Variants in FLOT2 observed in about 807,000 individuals in gnomAD.
The protein encoded by FLOT2 is flotillin 2, also known as flotillin-2.
Under a neutral mutation model 54.9 loss-of-function variants are expected in FLOT2, and 35 were observed. The observed-to-expected ratio is 0.64, with a 90% CI of 0.49 to 0.84. The LOEUF (loss-of-function observed/expected upper bound fraction) is 0.84, where lower values mean the gene tolerates loss of function less well. Among genes scored for constraint, FLOT2 ranks in the 40% least tolerant of loss-of-function variants. FLOT2 has a pLI of 0.00. For missense variants in FLOT2, 464 were observed against 572.1 expected, an observed-to-expected ratio of 0.81 and a Z score of 1.93; for synonymous variants, 207 against 228.9, an observed-to-expected ratio of 0.90 and a Z score of 0.86.
Position 28,880,790 on chromosome 17 carries a change from C to G in FLOT2, c.1171G>C (p.Val391Leu). Residue 391 changes from valine to leucine, a missense_variant, in exon 10 of 11, where the codon GTC becomes CTC. By Grantham distance (32) the Val-to-Leu change is conservative. Coordinates refer to ENST00000394908, the MANE Select transcript of FLOT2 (RefSeq NM_004475.3). ...AGCAGTCGGTTCACTTCTGATGTGA[C>G]CTTACTGTTGTCTCCACTGAGGACC... is the stretch of plus-strand genomic sequence containing the variant. ...IVVLSGDNSK[V>L]TSEVNRLLAE... 1.9e-6 allele frequency: 3 copies of G among 1,614,202 alleles called. No homozygotes were observed. Among genetic ancestry groups the G allele is most frequent in the Non-Finnish European group, 2.5e-6 (3 of 1,180,034 alleles).
In FLOT2 at chr17:28,882,448, G is replaced by T; in HGVS notation, c.468C>A (p.Asp156Glu). The change falls in exon 6 of 11, where the codon GAC becomes GAA. Residue 156 changes from aspartate (D) to glutamate (E), a missense_variant and splice_region_variant. Physicochemically the swap from Asp to Glu is conservative, Grantham distance 45. Transcript: ENST00000394908. The surrounding 1 kb of genome is among the most constrained non-coding windows in gnomAD (Gnocchi z 5.6). The part of the protein sequence containing the change: ...GIEILSFTIK[D>E]VYDKVDYLSS... ...TCAGATAGTCCACTTTGTCATACACGTCCTGGGGAGGGAAGGGGGTATCAG... is the reference window on the plus strand; with the variant it reads ...TCAGATAGTCCACTTTGTCATACACTTCCTGGGGAGGGAAGGGGGTATCAG... 6.2e-7 allele frequency: 1 copy of T among 1,613,398 alleles called. No individual in the cohort carries two copies. The highest frequency in any genetic ancestry group is 8.5e-7 in the Non-Finnish European group (1 of 1,179,458).
In FLOT2 at chr17:28,897,458, G is replaced by T; in HGVS notation, c.49+68C>A. Reference sequence around the variant, plus strand: ...GGACTCAGGCCCAGCTCTTCCCCGTGCACTCCCCAGCCCTGCACCCACCCC... The same window carrying T: ...GGACTCAGGCCCAGCTCTTCCCCGTTCACTCCCCAGCCCTGCACCCACCCC... On this transcript the variant is annotated intron_variant, in intron 1 of 10. Transcript: ENST00000394908. This position sits in a 1 kb window ranked among gnomAD's most constrained non-coding sequence, Gnocchi z 4.4. 1 of 1,442,548 alleles carries T rather than the reference G, an allele frequency of 6.9e-7. No individual in the cohort carries two copies. The highest frequency in any genetic ancestry group is 9.4e-7 in the Non-Finnish European group (1 of 1,060,876). 89.4% of individuals were successfully genotyped at this position (1,442,548 alleles called of 1,614,324 possible).
intron 2 of FLOT2, among the ~76,000 whole-genome samples, chr17:28,887,498 C>G (rs1458652820): frequency 6.6e-6 from 1 of 152,196 alleles, no homozygotes; most frequent in Non-Finnish European, 1.5e-5. Flanking sequence ...ATACAAGGCC[C>G]TTCACCTTTA....
At position 28,884,320 on chromosome 17, in the gene FLOT2, C is replaced by CT; in HGVS notation, c.132-6_132-5insA. On this transcript the variant is annotated splice_polypyrimidine_tract_variant and splice_region_variant and intron_variant, in intron 2 of 10. Transcript: ENST00000394908. This position sits in a 1 kb window ranked among gnomAD's most constrained non-coding sequence, Gnocchi z 5.1. ...GTCATAATCTCTAGGGAAATCCTGC[C>CT]AAGAAACGCAAAACAGGGGCATGGG... The CT allele has an allele frequency of 6.3e-7, 1 of 1,599,188 alleles. No homozygotes were observed. Among genetic ancestry groups the CT allele is most frequent in the South Asian group, 1.1e-5 (1 of 89,856 alleles).
Position 28,883,100 on chromosome 17 carries a change from G to C in FLOT2, c.346+8C>G. The stretch of plus-strand genomic sequence containing the variant: ...GTGAGGCTCCTCAAAGGCTGAACAG[G>C]GCCTCACCGAGGATGGAGCGCAGAT... On this transcript the variant is annotated splice_region_variant and intron_variant, in intron 4 of 10. Coordinates refer to ENST00000394908, the MANE Select transcript of FLOT2 (RefSeq NM_004475.3). The surrounding 1 kb of genome is among the most constrained non-coding windows in gnomAD (Gnocchi z 5.0). 6.2e-7 allele frequency: 1 copy of C among 1,613,914 alleles called. No individual in the cohort carries two copies. The highest frequency in any genetic ancestry group is 8.5e-7 in the Non-Finnish European group (1 of 1,179,928).
chr17:28,888,901 C>T (rs757242150), intron 2 of FLOT2, 44 bp downstream of exon 2: 2 of 1,519,078 alleles, frequency 1.3e-6, no homozygotes, highest in Admixed American at 1.7e-5. Context: ...CCCCTCTCTC[C>T]CTGGCCCACT....
intron 8 of FLOT2, 113 bp downstream of exon 8, chr17:28,881,701 C>T: frequency 1.1e-6 from 1 of 937,034 alleles, no homozygotes; most frequent in South Asian, 1.5e-5. Context: ...AGTAAGAAGA[C>T]ACAGTGGAGG....
chr17:28,885,237 C>G (rs1229426599), intron 2 of FLOT2, among the ~76,000 whole-genome samples: 1 of 152,164 alleles, frequency 6.6e-6, no homozygotes, highest in Non-Finnish European at 1.5e-5. Flanking sequence ...TGGGGATGGT[C>G]CCCTTCCCCA....
In FLOT2 at chr17:28,880,303, A is replaced by G. The variant is rs1206795267; in HGVS notation, c.*258T>C. ...GCATGGGGGAAAGAAAAAGACAGAC[A>G]AAGGAAAAGACACGCAGGGAGATGA... On this transcript the variant is annotated 3_prime_UTR_variant, in exon 11 of 11. Coordinates refer to ENST00000394908, the MANE Select transcript of FLOT2 (RefSeq NM_004475.3). 7.3e-7 allele frequency: 1 copy of G among 1,366,804 alleles called. No individual in the cohort carries two copies. Among genetic ancestry groups the G allele is most frequent in the African/African-American group, 1.5e-5 (1 of 68,492 alleles). 84.7% of individuals were successfully genotyped at this position (1,366,804 alleles called of 1,614,324 possible). A position where few individuals can be genotyped will look rare whatever the true frequency, so the allele number is the denominator to read the frequency against.
Position 28,883,354 on chromosome 17 carries a change from T to TG in FLOT2, c.223-124dup. ...TTCCTTTTTTCAGACCTGGAGGCCC[T>TG]GGGGGGCTGGAATCTGTCTGAAGCC... is the stretch of plus-strand genomic sequence containing the variant. On this transcript the variant is annotated intron_variant, in intron 3 of 10. Transcript: ENST00000394908. This position sits in a 1 kb window ranked among gnomAD's most constrained non-coding sequence, Gnocchi z 5.0. 1 of 1,219,002 alleles carries TG rather than the reference T, an allele frequency of 8.2e-7. No individual in the cohort carries two copies. The highest frequency in any genetic ancestry group is 1.2e-6 in the Non-Finnish European group (1 of 859,280). 75.5% of individuals were successfully genotyped at this position (1,219,002 alleles called of 1,614,324 possible).
intron 2 of FLOT2, among the ~76,000 whole-genome samples, chr17:28,887,456 GC>G (rs1398000519): frequency 1.3e-5 from 2 of 152,342 alleles, no homozygotes; most frequent in East Asian, 3.9e-4. Flanking sequence ...AGGATGTAGA[GC>G]CTGGGTGTGA....
At position 28,897,698 on chromosome 17, in the gene FLOT2, C is replaced by T. The variant is rs2039768935; in HGVS notation, c.-124G>A. 2.3e-6 allele frequency: 2 copies of T among 865,610 alleles called. No homozygotes were observed. The highest frequency in any genetic ancestry group is 3.6e-5 in the East Asian group (1 of 27,846). The allele number at this position is 865,610 out of a possible 1,614,324, so 53.6% of individuals were successfully genotyped here. A position where few individuals can be genotyped will look rare whatever the true frequency, so the allele number is the denominator to read the frequency against. On this transcript the variant is annotated 5_prime_UTR_variant, in exon 1 of 11. Transcript: ENST00000394908. This position sits in a 1 kb window ranked among gnomAD's most constrained non-coding sequence, Gnocchi z 4.4. Reference sequence around the variant, plus strand: ...GCGGCCGGCCGCCCGCTCGCTCGCCCGCGCCCCTCTGCGGTCGCAGCCCCG... The same window carrying T: ...GCGGCCGGCCGCCCGCTCGCTCGCCTGCGCCCCTCTGCGGTCGCAGCCCCG...
rs780688982 is a variant in FLOT2, at chr17:28,881,866, G to A, written c.862C>T (p.Arg288Trp). 34 of 1,613,428 alleles carry A rather than the reference G, an allele frequency of 2.1e-5. No individual in the cohort carries two copies. In the South Asian group the frequency reaches 3.0e-4, roughly 14 times the overall value. The change falls in exon 8 of 11, where the codon CGG (arginine) becomes TGG (tryptophan). Residue 288 changes from arginine to tryptophan, a missense_variant. Transcript: ENST00000394908. ...CGGTGGGCCTCGGCCTCGGCAGGCC[G>A]GCGCACTGTAGCGATGAGCTCCTTG... ...TDKELIATVR[R>W]PAEAEAHRIQ...
chr17:28,884,303 C>A lies in FLOT2; in HGVS notation c.144G>T (p.Glu48Asp). The change falls in exon 3 of 11, where the codon GAG becomes GAT. Residue 48 changes from glutamate to aspartate, a missense_variant. Transcript: ENST00000394908. The surrounding 1 kb of genome is among the most constrained non-coding windows in gnomAD (Gnocchi z 5.1). ...CGCAGCGGGGCTGCAACGTCATAAT[C>A]TCTAGGGAAATCCTGCCAAGAAACG... ...CISDTQRISL[E>D]IMTLQPRCED... 1 of 1,609,330 alleles carries A rather than the reference C, an allele frequency of 6.2e-7. No individual in the cohort carries two copies. Among genetic ancestry groups the A allele is most frequent in the Non-Finnish European group, 8.5e-7 (1 of 1,177,094 alleles).
chr17:28,888,023 G>A (rs936690848), intron 2 of FLOT2, among the ~76,000 whole-genome samples: 1 of 152,210 alleles, frequency 6.6e-6, no homozygotes, highest in Non-Finnish European at 1.5e-5. Flanking sequence ...GCTGCTGACG[G>A]GTGGGGGATG....
Position 28,879,932 on chromosome 17 carries a change from G to A in FLOT2, c.*629C>T. The stretch of plus-strand genomic sequence containing the variant: ...CCTTGCCTCTGTGCCCTTGGGGTCA[G>A]GGAGAAAGGACAGGGTATGAGCGCT... On this transcript the variant is annotated 3_prime_UTR_variant, in exon 11 of 11. Transcript: ENST00000394908. 2 of 986,344 alleles carry A rather than the reference G, an allele frequency of 2.0e-6. No homozygotes were observed. Among genetic ancestry groups the A allele is most frequent in the Non-Finnish European group, 2.4e-6 (2 of 830,410 alleles). 61.1% of individuals were successfully genotyped at this position (986,344 alleles called of 1,614,324 possible).
rs376560502 is a variant in FLOT2 at position 28,884,354 on chromosome 17, C to T, written c.132-39G>A. The T allele has an allele frequency of 1.7e-5, 24 of 1,388,258 alleles. No individual in the cohort carries two copies. In the African/African-American group the frequency reaches 2.5e-4, roughly 15 times the overall value. The allele number at this position is 1,388,258 out of a possible 1,614,324, so 86.0% of individuals were successfully genotyped here. On this transcript the variant is annotated intron_variant, in intron 2 of 10. Coordinates refer to ENST00000394908, the MANE Select transcript of FLOT2 (RefSeq NM_004475.3). The surrounding 1 kb of genome is among the most constrained non-coding windows in gnomAD (Gnocchi z 5.1). ...CAAAACAGGGGCATGGGTCTGGGGG[C>T]GCAGGGCCTGGTGGTGTTGGGAAAG... is the stretch of plus-strand genomic sequence containing the variant.
rs1042659493 is a variant in FLOT2 at position 28,883,700 on chromosome 17, C to G, written c.223-469G>C. ...TCCTTCTTGAGTTACTCAGCCAACC[C>G]CTCGCCGAGGCCTACAGCATGGCTG... On this transcript the variant is annotated intron_variant, in intron 3 of 10. Transcript: ENST00000394908. This position sits in a 1 kb window ranked among gnomAD's most constrained non-coding sequence, Gnocchi z 5.0. Among the ~76,000 whole-genome samples the G allele has an allele frequency of 6.6e-5, 10 of 152,192 alleles. No individual in the cohort carries two copies. The highest frequency in any genetic ancestry group is 2.4e-4 in the African/African-American group (10 of 41,436).
Position 28,881,316 on chromosome 17 carries a change from G to C in FLOT2, c.974C>G (p.Ala325Gly), listed in dbSNP as rs373587327. ...EAEKIRKIGE[A>G]EAAVIEAMGK... ...CATCGCCTCGATGACTGCCGCTTCC[G>C]CCTCCCCGATTTTGCGGATCTTCTC... Residue 325 changes from alanine to glycine, a missense_variant, in exon 9 of 11, where the codon GCG becomes GGG. Physicochemically the swap from Ala to Gly is moderately conservative, Grantham distance 60 (BLOSUM62 0). Coordinates refer to ENST00000394908, the MANE Select transcript of FLOT2 (RefSeq NM_004475.3). The C allele has an allele frequency of 6.2e-7, 1 of 1,613,844 alleles. No individual in the cohort carries two copies. Among genetic ancestry groups the C allele is most frequent in the African/African-American group, 1.3e-5 (1 of 75,058 alleles).
Sources: gnomAD v4.1 joint callset for allele counts (sites outside exome capture counted in the v4.1 genomes callset) on GRCh38, gnomAD v4.1.1 for gene constraint, Gnocchi (gnomAD v3.1) non-coding constraint, MANE v1.5 for transcripts, NCBI Gene and HGNC (gene_info 2026-07-23, HGNC 2026-07-21) for gene names.